Variants in DNAAF10 observed in about 807,000 individuals in gnomAD.
DNAAF10 encodes dynein axonemal assembly factor 10.
A neutral mutation model predicts 43.7 loss-of-function variants in DNAAF10; 28 were observed. That is an observed-to-expected ratio of 0.64 (90% CI 0.48 to 0.88). The LOEUF (loss-of-function observed/expected upper bound fraction) is 0.88. DNAAF10 is among the 40% of genes least tolerant of loss of function. The pLI, the probability that DNAAF10 is intolerant of heterozygous loss-of-function variation, is 0.00. For missense variants in DNAAF10, 403 were observed against 439.1 expected (o/e 0.92, Z 0.73); for synonymous variants, 156 against 157.3 (o/e 0.99, Z 0.06).
chr2:68,153,898 C>T (rs1443320867), intron 1 of DNAAF10, among the ~76,000 whole-genome samples: 6 of 151,406 alleles, frequency 4.0e-5, no homozygotes, highest in Non-Finnish European at 5.9e-5. Flanking sequence ...TTTACAGGCA[C>T]GCACCTGACC....
intron 6 of DNAAF10, among the ~76,000 whole-genome samples, chr2:68,135,303 A>G (rs1038740908): frequency 6.6e-6 from 1 of 152,184 alleles, no homozygotes; most frequent in Non-Finnish European, 1.5e-5. Flanking sequence ...AATTTAACTA[A>G]CAGCTCCCAG....
At chr2:68,156,814 T>A (rs1028994168) in intron 1 of DNAAF10, 3 of 180,852 alleles carry the variant, frequency 1.7e-5, no homozygotes, top group African/African-American at 7.1e-5. Context: ...CGTAACCGTG[T>A]TCCTTTGTGT....
At chr2:68,134,566 G>A (rs1047565333) in intron 7 of DNAAF10, 136 bp downstream of exon 7, 3 of 1,504,342 alleles carry the variant, frequency 2.0e-6, no homozygotes, top group Non-Finnish European at 2.6e-6. Flanking sequence ...AACAAGTTAT[G>A]TAACACCATG....
At chr2:68,132,782 G>A (rs1472252969) in intron 7 of DNAAF10, among the ~76,000 whole-genome samples, 4 of 152,184 alleles carry the variant, frequency 2.6e-5, no homozygotes, top group East Asian at 1.9e-4. Flanking sequence ...ACTCCAAACC[G>A]ATTTGAAGAT....
intron 1 of DNAAF10, among the ~76,000 whole-genome samples, chr2:68,154,653 A>C (rs1673545162): frequency 6.6e-6 from 1 of 152,254 alleles, no homozygotes; most frequent in Admixed American, 6.5e-5. Flanking sequence ...TTTTTGCTAC[A>C]AAAGAAAATT....
At chr2:68,142,242 AT>A (rs1673197847) in intron 3 of DNAAF10, among the ~76,000 whole-genome samples, 2 of 152,118 alleles carry the variant, frequency 1.3e-5, no homozygotes, top group Admixed American at 1.3e-4. Flanking sequence ...GAGTTCTAGA[AT>A]ACTATTTCTT....
At chr2:68,148,533 T>C (rs372707501) in intron 1 of DNAAF10, among the ~76,000 whole-genome samples, 3 of 152,180 alleles carry the variant, frequency 2.0e-5, no homozygotes, top group Non-Finnish European at 4.4e-5. Context: ...GATTTCTCCA[T>C]GGCCCCTCCC....
rs199700133 is a variant in DNAAF10, at chr2:68,130,109, G to GATATATATATAT, written c.*1128_*1129insATATATATATAT. ...CTAGACCAACCGTGCCGTTTTGAGA[G>GATATATATATAT]AGAGAGATATATATATATATATTTG... On this transcript the variant is annotated 3_prime_UTR_variant, in exon 8 of 8. Transcript: ENST00000295121. 16 of 129,196 alleles carry GATATATATATAT rather than the reference G, an allele frequency of 1.2e-4. No homozygotes were observed. The highest frequency in any genetic ancestry group is 5.3e-4 in the African/African-American group (16 of 29,996). The allele number at this position is 129,196 out of a possible 1,614,324, so 8.0% of individuals were successfully genotyped here.
intron 6 of DNAAF10, among the ~76,000 whole-genome samples, 161 bp from the exon 7 acceptor site, chr2:68,134,960 T>C (rs1051266557): frequency 6.6e-6 from 1 of 152,240 alleles, no homozygotes; most frequent in Non-Finnish European, 1.5e-5. Flanking sequence ...TAGAGATTTA[T>C]AGGAACACAT....
In DNAAF10 at chr2:68,157,498, C is replaced by A. The variant is rs764336348; in HGVS notation, c.-55G>T. 5.0e-6 allele frequency: 8 copies of A among 1,612,512 alleles called. No individual in the cohort carries two copies. The highest frequency in any genetic ancestry group is 1.7e-4 in the Middle Eastern group (1 of 6,058). On this transcript the variant is annotated 5_prime_UTR_variant, in exon 1 of 8. Transcript: ENST00000295121. ...CCACACCCAGAGCCCCCAAAAACGG[C>A]AACCTGGAAACCAGACTCCAAACAT...
intron 3 of DNAAF10, 106 bp from the exon 4 acceptor site, chr2:68,141,901 T>A: frequency 1.1e-6 from 1 of 881,152 alleles, no homozygotes; most frequent in Admixed American, 2.1e-5. Context: ...ATATGACAGA[T>A]GTTATGACAT....
chr2:68,157,489 C>G lies in DNAAF10; in HGVS notation c.-46G>C, dbSNP rs763732439. On this transcript the variant is annotated 5_prime_UTR_variant, in exon 1 of 8. Coordinates refer to ENST00000295121, the MANE Select transcript of DNAAF10 (RefSeq NM_138458.4). ...CGGCAACCGCCACACCCAGAGCCCC[C>G]AAAAACGGCAACCTGGAAACCAGAC... The G allele has an allele frequency of 5.6e-5, 90 of 1,613,710 alleles. No homozygotes were observed. The highest frequency in any genetic ancestry group is 7.2e-5 in the Non-Finnish European group (85 of 1,179,714).
chr2:68,155,264 G>C (rs1305436351), intron 1 of DNAAF10, among the ~76,000 whole-genome samples: 2 of 152,132 alleles, frequency 1.3e-5, no homozygotes, highest in Admixed American at 6.5e-5. Context: ...GCCCAAGGCG[G>C]GTGGATCACC....
intron 4 of DNAAF10, among the ~76,000 whole-genome samples, chr2:68,141,247 T>C (rs7599051): frequency 0.024 from 3,664 of 152,334 alleles, 125 homozygotes; most frequent in African/African-American, 0.084. Flanking sequence ...TATAGCGTAA[T>C]GTATGATTTG....
Position 68,134,812 on chromosome 2 carries a change from A to C in DNAAF10, c.769-13T>G, listed in dbSNP as rs1673001271. On this transcript the variant is annotated splice_polypyrimidine_tract_variant and intron_variant, in intron 6 of 7. Coordinates refer to ENST00000295121, the MANE Select transcript of DNAAF10 (RefSeq NM_138458.4). ...TAGATTTATGAGCCTAAATAGAACAAGAGGCATACAACTGGTTTATATGCT... is the reference window on the plus strand; with the variant it reads ...TAGATTTATGAGCCTAAATAGAACACGAGGCATACAACTGGTTTATATGCT... The C allele has an allele frequency of 1.2e-6, 2 of 1,613,564 alleles. No homozygotes were observed. The highest frequency in any genetic ancestry group is 1.7e-6 in the Non-Finnish European group (2 of 1,179,918).
intron 1 of DNAAF10, chr2:68,157,036 C>T (rs968909531): frequency 1.6e-6 from 1 of 636,760 alleles, no homozygotes; most frequent in Admixed American, 3.1e-5. Context: ...GGCTGGACTG[C>T]ACTGGGGGTG....
intron 1 of DNAAF10, among the ~76,000 whole-genome samples, chr2:68,154,455 C>T (rs1216904957): frequency 2.0e-5 from 3 of 151,836 alleles, no homozygotes. Context: ...ACCGTGTTAG[C>T]CAGGATGATC....
At chr2:68,138,409 C>T (rs1673097170) in intron 5 of DNAAF10, among the ~76,000 whole-genome samples, 1 of 152,192 alleles carries the variant, frequency 6.6e-6, no homozygotes, top group Non-Finnish European at 1.5e-5. Context: ...GAGGTGACTA[C>T]TGTTTCAGGC....
chr2:68,146,658 G>A (rs983987229), intron 2 of DNAAF10, among the ~76,000 whole-genome samples: 3 of 152,172 alleles, frequency 2.0e-5, no homozygotes, highest in Admixed American at 6.5e-5. Context: ...AAAGCAAGGA[G>A]AAATTGAAGT....
Sources: gnomAD v4.1 joint callset for allele counts (sites outside exome capture counted in the v4.1 genomes callset) on GRCh38, gnomAD v4.1.1 for gene constraint, MANE v1.5 for transcripts, NCBI Gene and HGNC (gene_info 2026-07-23, HGNC 2026-07-21) for gene names.